AKAP19: variants seen among roughly 807,000 people sequenced by gnomAD.
AKAP19 encodes A-kinase anchoring protein 19.
At chr2:189,891,446 A>G in the AKAP19 span, among the ~76,000 whole-genome samples, 1 of 151,232 alleles carries the variant, frequency 6.6e-6, no homozygotes, top group African/African-American at 2.4e-5. Flanking sequence ...GATGGTCTCA[A>G]TCTCCTGACC....
At chr2:190,106,731 A>T in the AKAP19 span, among the ~76,000 whole-genome samples, 3 of 152,172 alleles carry the variant, frequency 2.0e-5, no homozygotes, top group Non-Finnish European at 2.9e-5. Flanking sequence ...AACAGATTCA[A>T]CAATATGCTT....
At chr2:190,082,145 C>G in the AKAP19 span, among the ~76,000 whole-genome samples, 1 of 152,152 alleles carries the variant, frequency 6.6e-6, no homozygotes, top group Non-Finnish European at 1.5e-5. Flanking sequence ...AAAACTCCAC[C>G]CTTGGATCAT....
At chr2:190,092,206 A>G in the AKAP19 span, among the ~76,000 whole-genome samples, 1 of 150,196 alleles carries the variant, frequency 6.7e-6, no homozygotes, top group Non-Finnish European at 1.5e-5. Context: ...AATTATCTGG[A>G]TGCTAATTTG....
chr2:190,033,771 A>T, the AKAP19 span, among the ~76,000 whole-genome samples: 1 of 151,998 alleles, frequency 6.6e-6, no homozygotes, highest in Non-Finnish European at 1.5e-5. Flanking sequence ...AATCTGCTCT[A>T]TTTTTTTCTT....
the AKAP19 span, among the ~76,000 whole-genome samples, chr2:190,097,859 CAAAAAAAAAAAAAA>C: frequency 1.5e-5 from 1 of 64,526 alleles, no homozygotes; most frequent in East Asian, 4.0e-4. Flanking sequence ...TGGTTTCTAC[CAAAAAAAAAAAAAA>C]AAAAAAAAGA....
At chr2:190,038,901 T>TCCTTCTTCTTC in the AKAP19 span, among the ~76,000 whole-genome samples, 1 of 46,002 alleles carries the variant, frequency 2.2e-5, no homozygotes, top group Non-Finnish European at 4.6e-5. Context: ...TCTTTCTTTC[T>TCCTTCTTCTTC]TTCTTCTTCT....
chr2:190,045,855 G>T, the AKAP19 span, among the ~76,000 whole-genome samples: 9 of 152,274 alleles, frequency 5.9e-5, no homozygotes, highest in East Asian at 7.7e-4. Context: ...AGTATCTAAG[G>T]CTCCAGGGTC....
chr2:190,069,175 T>TGTGTGTGTGAGAGAGAGA, the AKAP19 span, among the ~76,000 whole-genome samples: 2 of 123,506 alleles, frequency 1.6e-5, no homozygotes, highest in African/African-American at 6.5e-5. Flanking sequence ...TGTGTGTGTG[T>TGTGTGTGTGAGAGAGAGA]GAGAGAGAGA....
the AKAP19 span, among the ~76,000 whole-genome samples, chr2:189,969,869 CTTT>C: frequency 7.3e-5 from 8 of 109,928 alleles, no homozygotes; most frequent in African/African-American, 2.5e-4. Context: ...TCTTCTTCTT[CTTT>C]TTTTTTTTTT....
chr2:190,014,065 A>C, the AKAP19 span, among the ~76,000 whole-genome samples: 5 of 152,106 alleles, frequency 3.3e-5, no homozygotes, highest in African/African-American at 1.2e-4. Context: ...TATTGCTATA[A>C]ATGTCTCTCT....
chr2:190,172,596 A>G, the AKAP19 span, among the ~76,000 whole-genome samples: 1 of 152,184 alleles, frequency 6.6e-6, no homozygotes, highest in Admixed American at 6.5e-5. Flanking sequence ...GGAATTAGAT[A>G]GGAGGTTTGC....
chr2:190,193,491 C>T, the AKAP19 span, among the ~76,000 whole-genome samples: 2 of 152,104 alleles, frequency 1.3e-5, no homozygotes, highest in African/African-American at 2.4e-5. Flanking sequence ...ATTACTTCCT[C>T]GTAATGGCCT....
the AKAP19 span, among the ~76,000 whole-genome samples, chr2:190,025,290 G>T: frequency 6.6e-6 from 1 of 152,086 alleles, no homozygotes. Flanking sequence ...TTTTAGCAGA[G>T]CATACAAGGT....
At chr2:190,062,834 G>A in the AKAP19 span, 20 of 470,874 alleles carry the variant, frequency 4.2e-5, no homozygotes, top group Middle Eastern at 5.8e-4. Context: ...CGCTGTCAGA[G>A]GTTAAAACCC....
At chr2:190,027,573 T>C in the AKAP19 span, among the ~76,000 whole-genome samples, 1 of 152,216 alleles carries the variant, frequency 6.6e-6, no homozygotes, top group Non-Finnish European at 1.5e-5. Context: ...GATACTCTAA[T>C]ATTTCTGAGT....
chr2:190,186,051 A>C, the AKAP19 span, among the ~76,000 whole-genome samples: 1 of 152,190 alleles, frequency 6.6e-6, no homozygotes, highest in African/African-American at 2.4e-5. This position sits in a 1 kb window ranked among gnomAD's most constrained non-coding sequence, Gnocchi z 5.5. Context: ...TCCCAGGTTC[A>C]AACGATTCTG....
At chr2:189,921,046 A>T in the AKAP19 span, among the ~76,000 whole-genome samples, 2 of 152,160 alleles carry the variant, frequency 1.3e-5, no homozygotes, top group African/African-American at 2.4e-5. Flanking sequence ...TTGTGGAATT[A>T]TACCTTTATG....
At chr2:189,969,882 T>C in the AKAP19 span, among the ~76,000 whole-genome samples, 8 of 145,792 alleles carry the variant, frequency 5.5e-5, no homozygotes, top group Non-Finnish European at 1.2e-4. Context: ...TTTTTTTTTT[T>C]TTTTTTTGAG....
At chr2:190,181,059 C>T in the AKAP19 span, 1 of 985,600 alleles carries the variant, frequency 1.0e-6, no homozygotes, top group East Asian at 1.1e-4. Flanking sequence ...TCCGGGACCC[C>T]ACGGCTGTCC....
Sources: gnomAD v4.1 joint callset for allele counts (sites outside exome capture counted in the v4.1 genomes callset) on GRCh38, gnomAD v4.1.1 for gene constraint, Gnocchi (gnomAD v3.1) non-coding constraint, MANE v1.5 for transcripts, NCBI Gene and HGNC (gene_info 2026-07-23, HGNC 2026-07-21) for gene names.